The following VGLL4 variants were observed in gnomAD, a reference collection of about 807,000 sequenced individuals.
The protein encoded by VGLL4 is transcription cofactor vestigial-like protein 4.
Under a neutral mutation model 21.0 loss-of-function variants are expected in VGLL4, and 7 were observed. The observed-to-expected ratio is 0.33, with a 90% CI of 0.19 to 0.63. VGLL4 has a LOEUF of 0.63. Ranked by LOEUF, VGLL4 falls within the 20% of genes least tolerant of loss-of-function variation. VGLL4 has a pLI of 0.78. For missense variants in VGLL4, 394 were observed against 425.7 expected, an observed-to-expected ratio of 0.93 and a Z score of 0.66; for synonymous variants, 222 against 173.2, an observed-to-expected ratio of 1.28 and a Z score of -2.21.
intron 1 of VGLL4, chr3:11,604,492 T>A: frequency 1.0e-6 from 1 of 956,462 alleles, no homozygotes; most frequent in Non-Finnish European, 1.2e-6. Context: ...CCTTTATGCA[T>A]CTTTGGGGCC....
At chr3:11,713,567 T>TA (rs1491271440) in intron 1 of VGLL4, among the ~76,000 whole-genome samples, 24 of 62,950 alleles carry the variant, frequency 3.8e-4, no homozygotes, top group African/African-American at 1.0e-3. Context: ...ATATATATTA[T>TA]TTATATATAT....
At chr3:11,717,631 G>A (rs937231966) in intron 1 of VGLL4, among the ~76,000 whole-genome samples, 2 of 150,708 alleles carry the variant, frequency 1.3e-5, no homozygotes, top group Admixed American at 6.7e-5. Context: ...GTGAAACACC[G>A]CGCCCGGCCC....
At chr3:11,614,313 G>C (rs975797196) in intron 1 of VGLL4, among the ~76,000 whole-genome samples, 1 of 152,236 alleles carries the variant, frequency 6.6e-6, no homozygotes, top group Non-Finnish European at 1.5e-5. Flanking sequence ...GTGACGTGCT[G>C]CTGGCTCCAA....
intron 1 of VGLL4, among the ~76,000 whole-genome samples, chr3:11,620,647 C>T (rs2075249409): frequency 6.6e-6 from 1 of 152,136 alleles, no homozygotes; most frequent in South Asian, 2.1e-4. Context: ...ACTTACTTCG[C>T]GGAAAATTTG....
At chr3:11,572,971 CG>C (rs1236724122) in intron 2 of VGLL4, among the ~76,000 whole-genome samples, 2 of 151,882 alleles carry the variant, frequency 1.3e-5, no homozygotes, top group Non-Finnish European at 2.9e-5. Flanking sequence ...AGTTTGAGAC[CG>C]GCCTGACCAA....
In VGLL4 at chr3:11,643,588, GT is replaced by G. The variant is rs1167943718; in HGVS notation, c.-71del. On this transcript the variant is annotated 5_prime_UTR_variant, in exon 1 of 5. Coordinates refer to ENST00000430365, the MANE Select transcript of VGLL4 (RefSeq NM_001128219.3). ...AAGAGTTAAGTTTCAAAAATCAATT[GT>G]TGCTGAGTAGCTCCTGGCTCTTCAA... 1 of 1,606,542 alleles carries G rather than the reference GT, an allele frequency of 6.2e-7. No homozygotes were observed. The highest frequency in any genetic ancestry group is 8.5e-7 in the Non-Finnish European group (1 of 1,177,812).
In VGLL4 at chr3:11,558,847, C is replaced by T. The variant is rs1289214034; in HGVS notation, c.620-20G>A. The T allele has an allele frequency of 6.2e-7, 1 of 1,607,766 alleles. No individual in the cohort carries two copies. The highest frequency in any genetic ancestry group is 8.5e-7 in the Non-Finnish European group (1 of 1,176,408). ...TGGCAGCTGCAGGCAAGCAGGAAGG[C>T]AGGCAGTCAGACACAGGTGGCTGCA... On this transcript the variant is annotated intron_variant, in intron 4 of 4. Coordinates refer to ENST00000430365, the MANE Select transcript of VGLL4 (RefSeq NM_001128219.3).
rs1215021875 is a variant in VGLL4, at chr3:11,696,432, C to T, written c.64+6539G>A. Among the ~76,000 whole-genome samples the T allele has an allele frequency of 2.0e-5, 3 of 152,188 alleles. No individual in the cohort carries two copies. In the East Asian group the frequency reaches 5.8e-4, roughly 29 times the overall value. ...TGCTGTACCATGCCTCAATCGAGTC[C>T]ACCTTGTAGATGCTGATCTACTCCG... On this transcript the variant is annotated intron_variant, in intron 2 of 5. Coordinates refer to the VGLL4 transcript ENST00000273038.
At chr3:11,606,200 G>T (rs911828040) in intron 1 of VGLL4, among the ~76,000 whole-genome samples, 4 of 152,120 alleles carry the variant, frequency 2.6e-5, no homozygotes, top group African/African-American at 9.7e-5. Context: ...TACTACCACG[G>T]GTACAGTATG....
Position 11,620,604 on chromosome 3 carries a change from T to C in VGLL4, c.83-18582A>G, listed in dbSNP as rs550681976. On this transcript the variant is annotated intron_variant, in intron 1 of 4. Transcript: ENST00000430365. ...CTCTATGGAAATTCCAGAGCTACCT[T>C]TTCTACTGAGCCACGCTAAATAAAG... 3.3e-5 allele frequency among the ~76,000 whole-genome samples: 5 copies of C among 152,300 alleles called. No individual in the cohort carries two copies. In the East Asian group the frequency reaches 9.7e-4, roughly 29 times the overall value.
chr3:11,624,403 G>C (rs1199627184), intron 1 of VGLL4, among the ~76,000 whole-genome samples: 1 of 152,150 alleles, frequency 6.6e-6, no homozygotes, highest in African/African-American at 2.4e-5. Context: ...CCTGATGAAC[G>C]AGTTTCAGAA....
chr3:11,630,131 G>C (rs1277629224), intron 1 of VGLL4, among the ~76,000 whole-genome samples: 2 of 152,070 alleles, frequency 1.3e-5, no homozygotes, highest in African/African-American at 4.8e-5. Context: ...CATGAAATTA[G>C]GCAAGAAATA....
upstream of VGLL4, among the ~76,000 whole-genome samples, chr3:11,645,381 G>C (rs550687727): frequency 1.7e-4 from 25 of 149,786 alleles, no homozygotes; most frequent in South Asian, 6.4e-4. Context: ...ATGAGGTCAG[G>C]AGATCGAGAC....
chr3:11,660,935 G>C (rs2076028108), intron 2 of VGLL4, among the ~76,000 whole-genome samples: 1 of 152,108 alleles, frequency 6.6e-6, no homozygotes, highest in Non-Finnish European at 1.5e-5. Context: ...TTGAGAAAAA[G>C]ATTGAATACC....
chr3:11,630,160 A>G (rs1247772870), intron 1 of VGLL4, among the ~76,000 whole-genome samples: 1 of 152,192 alleles, frequency 6.6e-6, no homozygotes, highest in Non-Finnish European at 1.5e-5. Context: ...CCAGCCTCTA[A>G]TTTAGACAAT....
At chr3:11,681,516 G>A (rs954114050) in intron 2 of VGLL4, among the ~76,000 whole-genome samples, 8 of 152,182 alleles carry the variant, frequency 5.3e-5, no homozygotes, top group Admixed American at 3.9e-4. Flanking sequence ...ACCTTCCACC[G>A]GGCACCATGG....
intron 1 of VGLL4, among the ~76,000 whole-genome samples, chr3:11,620,925 A>C (rs2075255531): frequency 6.6e-6 from 1 of 152,172 alleles, no homozygotes; most frequent in South Asian, 2.1e-4. Flanking sequence ...TCAGCTCCTC[A>C]AGAAGGGCCC....
At chr3:11,701,371 G>A (rs541650084) in intron 2 of VGLL4, among the ~76,000 whole-genome samples, 4 of 152,256 alleles carry the variant, frequency 2.6e-5, no homozygotes, top group African/African-American at 9.6e-5. Flanking sequence ...AGACACTCAT[G>A]CCATGCTTGT....
At chr3:11,578,005 A>T (rs957841206) in intron 2 of VGLL4, among the ~76,000 whole-genome samples, 11 of 152,230 alleles carry the variant, frequency 7.2e-5, no homozygotes, top group African/African-American at 2.4e-4. Context: ...GTCACACTCC[A>T]GAAGCAGCCT....
Sources: allele counts gnomAD v4.1 joint callset (sites outside exome capture counted in the v4.1 genomes callset), GRCh38; gene constraint gnomAD v4.1.1; transcripts MANE v1.5; gene names NCBI Gene and HGNC (gene_info 2026-07-23, HGNC 2026-07-21).